PTH1R: variants seen among roughly 807,000 people sequenced by gnomAD.
PTH1R encodes the protein parathyroid hormone/parathyroid hormone-related peptide receptor.
Under a neutral mutation model 70.7 loss-of-function variants are expected in PTH1R, and 32 were observed. The ratio of observed to expected loss-of-function variants is 0.45; its 90% CI spans 0.34 to 0.61. The LOEUF is 0.61. Ranked by LOEUF, PTH1R falls within the 20% of genes least tolerant of loss-of-function variation. The pLI is 0.01. For missense variants in PTH1R, 626 were observed against 792.5 expected (o/e 0.79, Z 2.52); for synonymous variants, 329 against 324.8 (o/e 1.01, Z -0.14).
chr3:46,894,144 T>A, intron 4 of PTH1R, 135 bp downstream of exon 4: 1 of 873,002 alleles, frequency 1.1e-6, no homozygotes, highest in Non-Finnish European at 1.8e-6. Flanking sequence ...CAGGCCAAAG[T>A]GAGAACCAAA....
chr3:46,883,234 T>C lies in PTH1R; in HGVS notation c.-48-278T>C, dbSNP rs1250582874. ...GCCGGGGGCGGGGGGCCCGGCCATA[T>C]GGATGTGATTTCTTCGCTCCGAGGC... On this transcript the variant is annotated intron_variant, in intron 2 of 15. Coordinates refer to ENST00000449590, the MANE Select transcript of PTH1R (RefSeq NM_000316.3). This position sits in a 1 kb window ranked among gnomAD's most constrained non-coding sequence, Gnocchi z 6.4. The C allele has an allele frequency of 6.6e-5, 14 of 212,658 alleles. No individual in the cohort carries two copies. The highest frequency in any genetic ancestry group is 1.1e-4 in the Non-Finnish European group (12 of 108,596). The allele number at this position is 212,658 out of a possible 1,614,324, so 13.2% of individuals were successfully genotyped here.
Position 46,883,475 on chromosome 3 carries a change from C to A in PTH1R, c.-48-37C>A. On this transcript the variant is annotated intron_variant, in intron 2 of 15. Coordinates refer to ENST00000449590, the MANE Select transcript of PTH1R (RefSeq NM_000316.3). The surrounding 1 kb of genome is among the most constrained non-coding windows in gnomAD (Gnocchi z 6.4). ...TAGGCCGGGGCGTGGGCGGGGCGGC[C>A]AGCCTGACGCAGCTCTGCACCCCCT... The A allele has an allele frequency of 8.5e-7, 1 of 1,171,438 alleles. No homozygotes were observed. Among genetic ancestry groups the A allele is most frequent in the South Asian group, 3.4e-5 (1 of 29,692 alleles). The allele number at this position is 1,171,438 out of a possible 1,614,324, so 72.6% of individuals were successfully genotyped here. A position where few individuals can be genotyped will look rare whatever the true frequency, so the allele number is the denominator to read the frequency against.
chr3:46,899,549 C>T (rs2031990616), intron 10 of PTH1R, 93 bp downstream of exon 10: 1 of 1,482,814 alleles, frequency 6.7e-7, no homozygotes, highest in Non-Finnish European at 9.1e-7. Context: ...GCCCACACAG[C>T]ACATCCCGCC....
At chr3:46,898,009 C>A (rs1461133715) in intron 6 of PTH1R, 44 bp downstream of exon 6, 29 of 1,613,124 alleles carry the variant, frequency 1.8e-5, no homozygotes, top group Non-Finnish European at 2.0e-5. Context: ...GAGGCTGAGA[C>A]TTGGAGCTAG....
intron 3 of PTH1R, among the ~76,000 whole-genome samples, chr3:46,889,217 C>G (rs2031237024): frequency 6.6e-6 from 1 of 152,192 alleles, no homozygotes; most frequent in Admixed American, 6.5e-5. Context: ...CGGCCTGGTT[C>G]CCAACACCAG....
rs1241884268 is a variant in PTH1R, at chr3:46,896,615, C to T, written c.313+746C>T. 4.6e-5 allele frequency among the ~76,000 whole-genome samples: 7 copies of T among 152,252 alleles called. No homozygotes were observed. Among genetic ancestry groups the T allele is most frequent in the South Asian group, 2.1e-4 (1 of 4,820 alleles). ...TGGCTGGGTGGGGCTGGGAATATGG[C>T]GCCCAGGACAGAGAGCCTTTCACCA... On this transcript the variant is annotated intron_variant, in intron 5 of 15. Coordinates refer to ENST00000449590, the MANE Select transcript of PTH1R (RefSeq NM_000316.3). The surrounding 1 kb of genome is among the most constrained non-coding windows in gnomAD (Gnocchi z 4.1).
intron 4 of PTH1R, among the ~76,000 whole-genome samples, chr3:46,894,520 T>TG (rs2031622559): frequency 6.6e-6 from 1 of 152,086 alleles, no homozygotes; most frequent in Admixed American, 6.5e-5. Flanking sequence ...CATCGAGATC[T>TG]GGGGGGTCAG....
In PTH1R at chr3:46,892,641, G is replaced by GC. The variant is rs1353622202; in HGVS notation, c.76-1263dup. On this transcript the variant is annotated intron_variant, in intron 3 of 15. Coordinates refer to ENST00000449590, the MANE Select transcript of PTH1R (RefSeq NM_000316.3). This position sits in a 1 kb window ranked among gnomAD's most constrained non-coding sequence, Gnocchi z 5.2. ...GCAGCCAGGCTCTCTGACCCGGCCTGCCCGCCCCTCTCGCCGGTGCCCGCC... is the reference window on the plus strand; with the variant it reads ...GCAGCCAGGCTCTCTGACCCGGCCTGCCCCGCCCCTCTCGCCGGTGCCCGCC... 1 of 703,548 alleles carries GC rather than the reference G, an allele frequency of 1.4e-6. No individual in the cohort carries two copies. The highest frequency in any genetic ancestry group is 1.8e-6 in the Non-Finnish European group (1 of 571,246). 43.6% of individuals were successfully genotyped at this position (703,548 alleles called of 1,614,324 possible). A position where few individuals can be genotyped will look rare whatever the true frequency, so the allele number is the denominator to read the frequency against.
intron 3 of PTH1R, among the ~76,000 whole-genome samples, chr3:46,887,610 C>G (rs902657051): frequency 3.9e-5 from 6 of 152,120 alleles, no homozygotes; most frequent in African/African-American, 1.4e-4. Context: ...CTGTGTGTTT[C>G]CAAATGGTAC....
chr3:46,901,889 G>A lies in PTH1R; in HGVS notation c.1211+29G>A. The A allele has an allele frequency of 6.3e-7, 1 of 1,580,852 alleles. No homozygotes were observed. Among genetic ancestry groups the A allele is most frequent in the Non-Finnish European group, 8.7e-7 (1 of 1,150,158 alleles). On this transcript the variant is annotated intron_variant, in intron 13 of 15. Coordinates refer to ENST00000449590, the MANE Select transcript of PTH1R (RefSeq NM_000316.3). The surrounding 1 kb of genome is among the most constrained non-coding windows in gnomAD (Gnocchi z 7.3). The stretch of plus-strand genomic sequence containing the variant: ...AGCCCACCATGCCTGCCATGCCCTG[G>A]CTCCTCAGGGGTCCCTGAGTCCTGG...
intron 10 of PTH1R, among the ~76,000 whole-genome samples, chr3:46,900,325 A>G (rs535583641): frequency 1.4e-4 from 22 of 152,154 alleles, no homozygotes; most frequent in Non-Finnish European, 2.8e-4. Flanking sequence ...TTGGGAGTGC[A>G]TAGAATCCTG....
In PTH1R at chr3:46,901,797, G is replaced by A. The variant is rs398122843; in HGVS notation, c.1148G>A (p.Arg383Gln). The A allele has an allele frequency of 1.9e-6, 3 of 1,613,932 alleles. No individual in the cohort carries two copies. The highest frequency in any genetic ancestry group is 2.5e-6 in the Non-Finnish European group (3 of 1,179,988). The change falls in exon 13 of 16, where the codon CGG becomes CAG. Residue 383 changes from arginine (R) to glutamine (Q), a missense_variant. By Grantham distance (43) the Arg-to-Gln change is conservative (BLOSUM62 1). This residue lies in a region of PTH1R where 495 missense variants were observed against 638.7 expected (regional missense o/e 0.77). Transcript: ENST00000449590. This position sits in a 1 kb window ranked among gnomAD's most constrained non-coding sequence, Gnocchi z 7.3. ...TTCATCCTCTTCATCAATATCGTCC[G>A]GGTGCTCGCCACCAAGCTGCGGGAG... is the stretch of plus-strand genomic sequence containing the variant. ...LNFILFINIVRVLATKLRETN... is the reference protein window; with the variant it reads ...LNFILFINIVQVLATKLRETN...
Position 46,882,794 on chromosome 3 carries a change from G to T in PTH1R, c.-48-718G>T, listed in dbSNP as rs2106952068. On this transcript the variant is annotated intron_variant, in intron 2 of 15. Coordinates refer to ENST00000449590, the MANE Select transcript of PTH1R (RefSeq NM_000316.3). The surrounding 1 kb of genome is among the most constrained non-coding windows in gnomAD (Gnocchi z 4.3). ...AGACCGACAGAGCGTCGGGGCCGCT[G>T]CGCGCCCGAGCCGCACAGGCGCAAG... is the stretch of plus-strand genomic sequence containing the variant. Among the ~76,000 whole-genome samples the T allele has an allele frequency of 1.3e-5, 2 of 152,130 alleles. No homozygotes were observed. Among genetic ancestry groups the T allele is most frequent in the East Asian group, 3.9e-4 (2 of 5,110 alleles).
At position 46,898,873 on chromosome 3, in the gene PTH1R, CCCGCCCGCTCCCGGTG is replaced by C; in HGVS notation, c.834+22_834+37del. Reference sequence around the variant, plus strand: ...TGCCGGCTACGTGAGTACCCCTCTGCCCGCCCGCTCCCGGTGCCGCCACTGGCCTCGTGGGGCCCCG... The same window carrying C: ...TGCCGGCTACGTGAGTACCCCTCTGCCCGCCACTGGCCTCGTGGGGCCCCG... On this transcript the variant is annotated intron_variant, in intron 9 of 15. Coordinates refer to ENST00000449590, the MANE Select transcript of PTH1R (RefSeq NM_000316.3). The C allele has an allele frequency of 6.7e-7, 1 of 1,491,672 alleles. No homozygotes were observed. The highest frequency in any genetic ancestry group is 1.2e-5 in the South Asian group (1 of 81,670). 92.4% of individuals were successfully genotyped at this position (1,491,672 alleles called of 1,614,324 possible).
rs2032145531 is a variant in PTH1R, at chr3:46,901,824, C to T, written c.1175C>T (p.Thr392Ile). ...GTGCTCGCCACCAAGCTGCGGGAGA[C>T]CAACGCCGGCCGGTGTGACACACGG... ...VRVLATKLRE[T>I]NAGRCDTRQQ... The change falls in exon 13 of 16, where the codon ACC becomes ATC. Residue 392 changes from threonine (T) to isoleucine (I), a missense_variant. By Grantham distance (89) the Thr-to-Ile change is moderately conservative. Coordinates refer to ENST00000449590, the MANE Select transcript of PTH1R (RefSeq NM_000316.3). The surrounding 1 kb of genome is among the most constrained non-coding windows in gnomAD (Gnocchi z 7.3). 6.2e-7 allele frequency: 1 copy of T among 1,614,028 alleles called. No individual in the cohort carries two copies. Among genetic ancestry groups the T allele is most frequent in the Non-Finnish European group, 8.5e-7 (1 of 1,179,996 alleles).
At chr3:46,899,479 G>T in intron 10 of PTH1R, 23 bp downstream of exon 10, 1 of 1,604,756 alleles carries the variant, frequency 6.2e-7, no homozygotes, top group South Asian at 1.1e-5. Flanking sequence ...AGCGGGTAGC[G>T]AGGTGCCGGC....
At chr3:46,889,957 G>A (rs886839503) in intron 3 of PTH1R, among the ~76,000 whole-genome samples, 1 of 152,180 alleles carries the variant, frequency 6.6e-6, no homozygotes, top group Non-Finnish European at 1.5e-5. Context: ...GAAGGGAGTA[G>A]CAGACAGGGG....
chr3:46,881,643 C>T (rs1395669530), intron 2 of PTH1R, among the ~76,000 whole-genome samples: 1 of 148,002 alleles, frequency 6.8e-6, no homozygotes, highest in East Asian at 2.0e-4. Flanking sequence ...CAGACCTGGG[C>T]GGGGGTCGGG....
chr3:46,895,216 TG>T (rs762971697), intron 4 of PTH1R, among the ~76,000 whole-genome samples: 29 of 152,048 alleles, frequency 1.9e-4, no homozygotes, highest in Non-Finnish European at 3.8e-4. Flanking sequence ...GGGCAGGGGA[TG>T]GGGTGGTCTT....
Sources: allele counts gnomAD v4.1 joint callset (sites outside exome capture counted in the v4.1 genomes callset), GRCh38; gene constraint gnomAD v4.1.1; regional missense constraint gnomAD v4.1.1; non-coding constraint Gnocchi (gnomAD v3.1); transcripts MANE v1.5; gene names NCBI Gene and HGNC (gene_info 2026-07-23, HGNC 2026-07-21).